The following RUNX1T1 variants were observed in gnomAD, a reference collection of about 807,000 sequenced individuals.
The protein encoded by RUNX1T1 is RUNX1 partner transcriptional co-repressor 1, also known as protein CBFA2T1.
In RUNX1T1, 4 loss-of-function variants were observed where a neutral mutation model predicts 62.8. That is an observed-to-expected ratio of 0.06 (90% CI 0.03 to 0.15). RUNX1T1 has a LOEUF of 0.15. Among genes scored for constraint, RUNX1T1 ranks in the 10% least tolerant of loss-of-function variants. RUNX1T1 has a pLI of 1.00. For synonymous variants in RUNX1T1, 291 were observed against 286.0 expected, an observed-to-expected ratio of 1.02 and a Z score of -0.18; for missense variants, 508 against 754.3, an observed-to-expected ratio of 0.67 and a Z score of 3.82.
chr8:91,990,394 T>C (rs1224343493), intron 6 of RUNX1T1, among the ~76,000 whole-genome samples: 6 of 152,122 alleles, frequency 3.9e-5, no homozygotes, highest in Non-Finnish European at 7.4e-5. Context: ...GTCCTGTTAG[T>C]GGGTGATGTG....
At chr8:92,048,158 A>T (rs1441257826) in intron 1 of RUNX1T1, among the ~76,000 whole-genome samples, 2 of 152,212 alleles carry the variant, frequency 1.3e-5, no homozygotes, top group Non-Finnish European at 2.9e-5. Flanking sequence ...TTAAATGTAA[A>T]CATTTACAAC....
intron 5 of RUNX1T1, chr8:92,003,213 C>T (rs189307704): frequency 2.2e-4 from 86 of 385,236 alleles, no homozygotes; most frequent in African/African-American, 1.2e-3. Flanking sequence ...GCATGCACAG[C>T]GACAGAGCAT....
intron 9 of RUNX1T1, 58 bp downstream of exon 10, chr8:91,975,847 A>C: frequency 8.6e-7 from 1 of 1,161,736 alleles, no homozygotes. Context: ...ACATCACTAC[A>C]TTAACAACTG....
At chr8:91,961,633 G>A (rs768361856) in intron 10 of RUNX1T1, among the ~76,000 whole-genome samples, 2 of 152,178 alleles carry the variant, frequency 1.3e-5, no homozygotes, top group Non-Finnish European at 2.9e-5. Flanking sequence ...GGAGGAATGA[G>A]GAAGAAACTA....
intron 10 of RUNX1T1, among the ~76,000 whole-genome samples, chr8:91,963,902 C>T (rs144008286): frequency 9.8e-5 from 15 of 152,308 alleles, no homozygotes; most frequent in African/African-American, 3.4e-4. Flanking sequence ...AGAAAGCTCA[C>T]GGATATCCAT....
At chr8:92,038,902 C>T (rs1423234371) in intron 1 of RUNX1T1, among the ~76,000 whole-genome samples, 3 of 152,044 alleles carry the variant, frequency 2.0e-5, no homozygotes, top group Admixed American at 6.6e-5. Context: ...TTGGCCCTAA[C>T]CACTCCTTCT....
chr8:92,070,622 T>A (rs1270625677), intron 2 of RUNX1T1, among the ~76,000 whole-genome samples: 1 of 147,358 alleles, frequency 6.8e-6, no homozygotes, highest in Non-Finnish European at 1.5e-5. Flanking sequence ...CCATGTGATA[T>A]GCAAAACAAG....
intron 1 of RUNX1T1, among the ~76,000 whole-genome samples, chr8:92,019,447 A>C (rs1475156836): frequency 5.3e-5 from 8 of 152,070 alleles, no homozygotes; most frequent in African/African-American, 1.9e-4. Flanking sequence ...AGTAACAAAA[A>C]AATAAATAAA....
At chr8:91,985,050 A>C (rs1350263268) in intron 8 of RUNX1T1, among the ~76,000 whole-genome samples, 1 of 152,220 alleles carries the variant, frequency 6.6e-6, no homozygotes, top group African/African-American at 2.4e-5. Flanking sequence ...TGTGATCAAC[A>C]GATAATATAC....
intron 6 of RUNX1T1, among the ~76,000 whole-genome samples, chr8:91,989,880 A>G (rs1166629136): frequency 6.6e-6 from 1 of 152,250 alleles, no homozygotes; most frequent in Non-Finnish European, 1.5e-5. Context: ...CGAGAACATT[A>G]GACAGACTGG....
chr8:92,073,631 A>AT (rs1834002056), intron 2 of RUNX1T1, among the ~76,000 whole-genome samples: 1 of 152,170 alleles, frequency 6.6e-6, no homozygotes, highest in African/African-American at 2.4e-5. Context: ...TTTGAACCCC[A>AT]TATTTCTATA....
At chr8:92,014,414 G>A (rs1822596950) in intron 3 of RUNX1T1, among the ~76,000 whole-genome samples, 165 bp downstream of exon 4, 1 of 152,054 alleles carries the variant, frequency 6.6e-6, no homozygotes, top group Non-Finnish European at 1.5e-5. Context: ...ATATAATGCA[G>A]AATTTAAAAG....
chr8:92,027,522 TTGA>T (rs1259638640), intron 1 of RUNX1T1, among the ~76,000 whole-genome samples: 1 of 152,116 alleles, frequency 6.6e-6, no homozygotes, highest in African/African-American at 2.4e-5. Context: ...GTTTCTACAT[TTGA>T]TGATGATGAG....
At chr8:91,959,486 GTGTA>G (rs1343339905) in exon 11 of RUNX1T1, 3,876 of 141,832 alleles carry the variant, frequency 0.027, 117 homozygotes, top group Middle Eastern at 0.043. Context: ...GTGTGTGTGT[GTGTA>G]TATATATATA....
intron 10 of RUNX1T1, among the ~76,000 whole-genome samples, chr8:91,963,144 A>G (rs1053834629): frequency 1.3e-5 from 2 of 152,210 alleles, no homozygotes; most frequent in African/African-American, 2.4e-5. Context: ...GATGTTTTGG[A>G]TCGTGAAGCT....
chr8:91,964,408 A>G (rs1012200261), intron 10 of RUNX1T1, among the ~76,000 whole-genome samples: 3 of 152,190 alleles, frequency 2.0e-5, no homozygotes, highest in African/African-American at 4.8e-5. Flanking sequence ...TGTGTAATAA[A>G]TTTAAATATA....
chr8:91,972,441 C>T (rs1049159598), intron 9 of RUNX1T1, among the ~76,000 whole-genome samples: 1 of 152,076 alleles, frequency 6.6e-6, no homozygotes, highest in African/African-American at 2.4e-5. Context: ...TTGTTAGCTG[C>T]TTTAAGATAT....
At chr8:91,978,437 T>A (rs1003998509) in intron 8 of RUNX1T1, among the ~76,000 whole-genome samples, 1 of 152,194 alleles carries the variant, frequency 6.6e-6, no homozygotes, top group South Asian at 2.1e-4. Context: ...TTACTTACTA[T>A]GTGGTCTAGT....
chr8:92,044,706 T>C (rs574025663), intron 1 of RUNX1T1, among the ~76,000 whole-genome samples: 1 of 152,362 alleles, frequency 6.6e-6, no homozygotes, highest in Admixed American at 6.5e-5. Context: ...CCAACATGTA[T>C]GGTTTTCCAT....
Sources: gnomAD v4.1 joint callset for allele counts (sites outside exome capture counted in the v4.1 genomes callset) on GRCh38, gnomAD v4.1.1 for gene constraint, MANE v1.5 for transcripts, NCBI Gene and HGNC (gene_info 2026-07-23, HGNC 2026-07-21) for gene names.